Variants in DDX59 observed in about 807,000 individuals in gnomAD.
DDX59 encodes the protein probable ATP-dependent RNA helicase DDX59.
A neutral mutation model predicts 51.9 loss-of-function variants in DDX59; 30 were observed. The observed-to-expected ratio is 0.58, with a 90% CI of 0.43 to 0.78. The LOEUF is 0.78. Among genes scored for constraint, DDX59 ranks in the 30% least tolerant of loss-of-function variants. The probability of loss-of-function intolerance (pLI) is 0.00; values close to 1 mark genes in which losing one functional copy is unlikely to be tolerated. For synonymous variants in DDX59, 255 were observed against 253.3 expected, an observed-to-expected ratio of 1.01 and a Z score of -0.06; for missense variants, 672 against 730.8, an observed-to-expected ratio of 0.92 and a Z score of 0.93.
intron 4 of DDX59, among the ~76,000 whole-genome samples, chr1:200,658,554 C>T (rs978175742): frequency 2.0e-5 from 3 of 151,916 alleles, no homozygotes; most frequent in Non-Finnish European, 4.4e-5. Context: ...ATTAGCCAGG[C>T]ATGGTGATGT....
At chr1:200,662,449 G>A (rs553407762) in intron 3 of DDX59, among the ~76,000 whole-genome samples, 1 of 152,316 alleles carries the variant, frequency 6.6e-6, no homozygotes, top group East Asian at 1.9e-4. Flanking sequence ...GAGCTCAGGA[G>A]TTTGAGACCA....
intron 4 of DDX59, among the ~76,000 whole-genome samples, chr1:200,653,445 G>A (rs562279997): frequency 6.6e-6 from 1 of 152,140 alleles, no homozygotes; most frequent in South Asian, 2.1e-4. Context: ...CCTCAGAGCT[G>A]GTCGCTTCTC....
intron 3 of DDX59, among the ~76,000 whole-genome samples, chr1:200,663,008 G>T (rs1278706871): frequency 6.6e-6 from 1 of 152,092 alleles, no homozygotes; most frequent in Non-Finnish European, 1.5e-5. Context: ...ACATTTTACA[G>T]GCTTTAAATC....
chr1:200,664,222 G>T, intron 2 of DDX59, 136 bp from the exon 3 acceptor site: 1 of 855,144 alleles, frequency 1.2e-6, no homozygotes, highest in Non-Finnish European at 1.7e-6. Flanking sequence ...CCTGCCTTCT[G>T]CTTACTGCAG....
chr1:200,653,220 A>G (rs1661782849), intron 4 of DDX59, among the ~76,000 whole-genome samples: 1 of 152,240 alleles, frequency 6.6e-6, no homozygotes, highest in Non-Finnish European at 1.5e-5. Flanking sequence ...CTCAAGTGGT[A>G]GAAACTATCT....
In DDX59 at chr1:200,649,162, A is replaced by G. The variant is rs368404651; in HGVS notation, c.1379T>C (p.Leu460Ser). 4 of 1,598,878 alleles carry G rather than the reference A, an allele frequency of 2.5e-6. No individual in the cohort carries two copies. Among genetic ancestry groups the G allele is most frequent in the Non-Finnish European group, 3.4e-6 (4 of 1,175,196 alleles). Residue 460 changes from leucine (L) to serine (S), a missense_variant, in exon 6 of 8, where the codon TTG becomes TCG. By Grantham distance (145) the Leu-to-Ser change is moderately radical. Coordinates refer to ENST00000331314, the MANE Select transcript of DDX59 (RefSeq NM_001031725.6). Reference sequence around the variant, plus strand: ...TGTGATTTTCTGAACGGCTTCACTCAAAAGATCTGCTCCTAGTTTGCAGTC... The same window carrying G: ...TGTGATTTTCTGAACGGCTTCACTCGAAAGATCTGCTCCTAGTTTGCAGTC... ...FVDCKLGADL[L>S]SEAVQKITGL...
At chr1:200,648,944 C>A in intron 6 of DDX59, 130 bp downstream of exon 6, 1 of 945,928 alleles carries the variant, frequency 1.1e-6, no homozygotes, top group Admixed American at 3.4e-5. Flanking sequence ...TCATGGTAAC[C>A]GCTTGTTTGA....
At chr1:200,658,999 T>C (rs1325567051) in intron 4 of DDX59, 28 bp downstream of exon 4, 2 of 1,532,210 alleles carry the variant, frequency 1.3e-6, no homozygotes, top group Non-Finnish European at 1.8e-6. Flanking sequence ...TAAAATCATG[T>C]AACTGTTTTT....
At position 200,644,265 on chromosome 1, in the gene DDX59, A is replaced by G; in HGVS notation, c.1849T>C (p.Ser617Pro). The change falls in exon 8 of 8, where the codon TCT (serine) becomes CCT (proline). Residue 617 changes from serine to proline, a missense_variant. Coordinates refer to ENST00000331314, the MANE Select transcript of DDX59 (RefSeq NM_001031725.6). ...AGTGGCAGAGAAAATCATTTCTGAG[A>G]ATTACTTTTATCATGTTTTCTGATA... ...DIIRKHDKSN[S>P]QK 6.5e-7 allele frequency: 1 copy of G among 1,538,196 alleles called. No individual in the cohort carries two copies. The highest frequency in any genetic ancestry group is 8.7e-7 in the Non-Finnish European group (1 of 1,144,396).
intron 1 of DDX59, among the ~76,000 whole-genome samples, chr1:200,669,317 G>C (rs569187149): frequency 2.0e-5 from 3 of 150,288 alleles, no homozygotes; most frequent in Non-Finnish European, 4.4e-5. Context: ...CGAGGGTCTA[G>C]AATTACTATC....
rs764102233 is a variant in DDX59, at chr1:200,663,913, G to A, written c.972+6C>T. 3.1e-6 allele frequency: 5 copies of A among 1,600,162 alleles called. No homozygotes were observed. In the South Asian group the frequency reaches 5.6e-5, roughly 18 times the overall value. On this transcript the variant is annotated splice_donor_region_variant and intron_variant, in intron 3 of 7. Coordinates refer to ENST00000331314, the MANE Select transcript of DDX59 (RefSeq NM_001031725.6). The stretch of plus-strand genomic sequence containing the variant: ...TTCAAAGACATTGTATCAAATCAGT[G>A]CTTACCTTAACATGTTGTTGCAGAC...
intron 3 of DDX59, among the ~76,000 whole-genome samples, chr1:200,660,384 A>G (rs971512401): frequency 1.3e-5 from 2 of 152,046 alleles, no homozygotes; most frequent in Admixed American, 6.6e-5. Flanking sequence ...GGCACCTGGG[A>G]GAGAGCTCAG....
At chr1:200,665,211 T>C (rs895088480) in intron 2 of DDX59, among the ~76,000 whole-genome samples, 10 of 152,174 alleles carry the variant, frequency 6.6e-5, no homozygotes, top group Admixed American at 1.3e-4. Context: ...ATCCCAGCAC[T>C]GTGTGAAGCT....
At chr1:200,641,257 C>T (rs1450439241), downstream of DDX59, 1 of 1,300,296 alleles carries the variant, frequency 7.7e-7, no homozygotes, top group Admixed American at 2.3e-5. Flanking sequence ...TAATATTCAG[C>T]TGCCAGAAGA....
intron 1 of DDX59, among the ~76,000 whole-genome samples, chr1:200,667,397 T>G (rs1571660306): frequency 6.6e-6 from 1 of 152,150 alleles, no homozygotes; most frequent in Admixed American, 6.5e-5. Flanking sequence ...GTGAGTGTCC[T>G]GGGGTTATGC....
In DDX59 at chr1:200,666,365, C is replaced by T. The variant is rs781052356; in HGVS notation, c.376G>A (p.Val126Met). The T allele has an allele frequency of 1.2e-6, 2 of 1,614,248 alleles. No individual in the cohort carries two copies. Among genetic ancestry groups the T allele is most frequent in the South Asian group, 1.1e-5 (1 of 91,088 alleles). Residue 126 changes from valine (V) to methionine (M), a missense_variant, in exon 2 of 8, where the codon GTG (valine) becomes ATG (methionine). Val to Met is a conservative substitution (Grantham distance 21). Transcript: ENST00000331314. ...TTCGCTTTACACTCCAAACTACACACATCTTCATCTGTCTTATCACAGATA... is the reference window on the plus strand; with the variant it reads ...TTCGCTTTACACTCCAAACTACACATATCTTCATCTGTCTTATCACAGATA... ...EYICDKTDED[V>M]CSLECKAKHL...
At chr1:200,641,201 A>G (rs1256087795), downstream of DDX59, 6 of 1,304,908 alleles carry the variant, frequency 4.6e-6, no homozygotes, top group East Asian at 2.2e-4. Context: ...TAACAAGGCA[A>G]TAAGAGATGC....
At chr1:200,662,597 A>G (rs1159636854) in intron 3 of DDX59, among the ~76,000 whole-genome samples, 1 of 152,198 alleles carries the variant, frequency 6.6e-6, no homozygotes, top group Non-Finnish European at 1.5e-5. Context: ...CGGAGGTTGC[A>G]GTGAGCAGAG....
intron 7 of DDX59, among the ~76,000 whole-genome samples, chr1:200,647,651 A>G (rs1356523007): frequency 6.6e-6 from 1 of 151,940 alleles, no homozygotes; most frequent in African/African-American, 2.4e-5. Flanking sequence ...ACCTTTCAAA[A>G]ACAAAATTTA....
Sources: gnomAD v4.1 joint callset for allele counts (sites outside exome capture counted in the v4.1 genomes callset) on GRCh38, gnomAD v4.1.1 for gene constraint, MANE v1.5 for transcripts, NCBI Gene and HGNC (gene_info 2026-07-23, HGNC 2026-07-21) for gene names.